RALGPS2: variants seen among roughly 807,000 people sequenced by gnomAD.
The protein encoded by RALGPS2 is Ral GEF with PH domain and SH3 binding motif 2, also known as ras-specific guanine nucleotide-releasing factor RalGPS2.
In RALGPS2, 43 loss-of-function variants were observed where a neutral mutation model predicts 86.8. The observed-to-expected ratio is 0.50, with a 90% CI of 0.39 to 0.64. The LOEUF is 0.64. Ranked by LOEUF, RALGPS2 falls within the 30% of genes least tolerant of loss-of-function variation. The pLI, the probability that RALGPS2 is intolerant of heterozygous loss-of-function variation, is 0.00. For missense variants in RALGPS2, 536 were observed against 694.6 expected, an observed-to-expected ratio of 0.77 and a Z score of 2.57; for synonymous variants, 243 against 231.3, an observed-to-expected ratio of 1.05 and a Z score of -0.46.
chr1:178,812,928 C>CTTTTTTTTTTT (rs397844555), intron 6 of RALGPS2, among the ~76,000 whole-genome samples: 1 of 106,850 alleles, frequency 9.4e-6, no homozygotes, highest in African/African-American at 3.7e-5. Context: ...TAGGTAAATA[C>CTTTTTTTTTTT]TTTTTTTTTT....
intron 14 of RALGPS2, among the ~76,000 whole-genome samples, chr1:178,890,421 A>G (rs1659670892): frequency 6.6e-6 from 1 of 151,946 alleles, no homozygotes; most frequent in Non-Finnish European, 1.5e-5. Context: ...CTTTTGACCA[A>G]AACAATTGCT....
intron 17 of RALGPS2, among the ~76,000 whole-genome samples, chr1:178,900,543 A>G (rs1207403128): frequency 6.6e-6 from 1 of 151,978 alleles, no homozygotes; most frequent in Non-Finnish European, 1.5e-5. Flanking sequence ...CTCATCTGAG[A>G]ATCTGTCCTA....
intron 1 of RALGPS2, among the ~76,000 whole-genome samples, chr1:178,745,926 A>G (rs539645849): frequency 5.4e-4 from 80 of 148,608 alleles, no homozygotes; most frequent in Non-Finnish European, 7.7e-4. Flanking sequence ...GGTTCAAGCA[A>G]TTCTCCTGCC....
chr1:178,874,455 C>T (rs982739240), intron 8 of RALGPS2, among the ~76,000 whole-genome samples: 1 of 152,008 alleles, frequency 6.6e-6, no homozygotes, highest in Non-Finnish European at 1.5e-5. Context: ...TGACTACAGG[C>T]GAGTTGTCAT....
rs755337121 is a variant in RALGPS2 at position 178,852,710 on chromosome 1, G to C, written c.607+19160G>C. 3.1e-5 allele frequency: 50 copies of C among 1,613,602 alleles called. No individual in the cohort carries two copies. Among genetic ancestry groups the C allele is most frequent in the Non-Finnish European group, 4.2e-5 (50 of 1,179,768 alleles). ...GCATACATATCTTTATCTCTGTCCA[G>C]TGTGGTGAATTGTTTACCATTATGC... On this transcript the variant is annotated intron_variant, in intron 8 of 19. Coordinates refer to ENST00000367635, the MANE Select transcript of RALGPS2 (RefSeq NM_152663.5).
intron 6 of RALGPS2, among the ~76,000 whole-genome samples, chr1:178,814,658 C>T (rs1341143950): frequency 6.6e-6 from 1 of 152,166 alleles, no homozygotes; most frequent in African/African-American, 2.4e-5. Flanking sequence ...TTATGTTGCC[C>T]AGGCTGGTCT....
intron 8 of RALGPS2, among the ~76,000 whole-genome samples, chr1:178,852,414 G>A (rs932157817): frequency 6.6e-6 from 1 of 152,112 alleles, no homozygotes; most frequent in Non-Finnish European, 1.5e-5. Context: ...TGAATTGTAG[G>A]CACTTGCATT....
chr1:178,890,605 A>G (rs979476268), intron 14 of RALGPS2, among the ~76,000 whole-genome samples: 4 of 151,944 alleles, frequency 2.6e-5, no homozygotes, highest in African/African-American at 9.7e-5. Flanking sequence ...ATTAAATTTT[A>G]TTTGAAATCA....
chr1:178,822,723 C>T (rs1655562800), intron 7 of RALGPS2, among the ~76,000 whole-genome samples: 1 of 151,760 alleles, frequency 6.6e-6, no homozygotes, highest in African/African-American at 2.4e-5. Flanking sequence ...ATAATTATGG[C>T]CTTATTGTCT....
chr1:178,850,053 A>G (rs2102287583), intron 8 of RALGPS2: 1 of 152,792 alleles, frequency 6.5e-6, no homozygotes, highest in East Asian at 1.9e-4. Context: ...TAAGCGTTAC[A>G]TACACTGTAA....
At position 178,824,292 on chromosome 1, in the gene RALGPS2, G is replaced by A. The variant is rs1334893616; in HGVS notation, c.480+2588G>A. Reference sequence around the variant, plus strand: ...TTTTACTGTAAAGGGCTGCAGTGTGGTTTGCAGAGAAATATGGTACCTGGA... The same window carrying A: ...TTTTACTGTAAAGGGCTGCAGTGTGATTTGCAGAGAAATATGGTACCTGGA... On this transcript the variant is annotated intron_variant, in intron 7 of 19. Transcript: ENST00000367635. Among the ~76,000 whole-genome samples the A allele has an allele frequency of 2.0e-5, 3 of 152,134 alleles. No homozygotes were observed. In the South Asian group the frequency reaches 6.2e-4, roughly 32 times the overall value.
At chr1:178,824,905 G>A (rs1017014318) in intron 7 of RALGPS2, among the ~76,000 whole-genome samples, 26 of 152,158 alleles carry the variant, frequency 1.7e-4, no homozygotes, top group Admixed American at 1.2e-3. Flanking sequence ...GGTAGATTTC[G>A]TGGTGGGATT....
intron 1 of RALGPS2, among the ~76,000 whole-genome samples, chr1:178,773,841 C>T (rs1462736493): frequency 6.6e-6 from 1 of 151,704 alleles, no homozygotes; most frequent in Admixed American, 6.6e-5. Flanking sequence ...TAAATAGTTA[C>T]GAAAAGTTTA....
At chr1:178,874,674 C>T (rs1406367145) in intron 8 of RALGPS2, among the ~76,000 whole-genome samples, 4 of 152,188 alleles carry the variant, frequency 2.6e-5, no homozygotes, top group Admixed American at 6.5e-5. Context: ...CCAACATCCC[C>T]GTGCCATTTC....
intron 1 of RALGPS2, among the ~76,000 whole-genome samples, chr1:178,739,927 A>G (rs1454717371): frequency 6.6e-6 from 1 of 152,200 alleles, no homozygotes; most frequent in East Asian, 1.9e-4. Context: ...AATATGGCCT[A>G]ACAGATATAG....
intron 4 of RALGPS2, among the ~76,000 whole-genome samples, 168 bp from the exon 5 acceptor site, chr1:178,807,876 CA>C (rs1215754794): frequency 6.6e-6 from 1 of 152,158 alleles, no homozygotes; most frequent in African/African-American, 2.4e-5. Context: ...TCCTGCTAAT[CA>C]AATTTGCTTT....
chr1:178,798,184 C>T (rs764173148), intron 4 of RALGPS2, among the ~76,000 whole-genome samples: 6 of 152,064 alleles, frequency 3.9e-5, no homozygotes, highest in South Asian at 2.1e-4. Context: ...CTGCCATATG[C>T]GGTCAAGAGA....
At chr1:178,828,387 A>G (rs1655853546) in intron 7 of RALGPS2, among the ~76,000 whole-genome samples, 1 of 152,172 alleles carries the variant, frequency 6.6e-6, no homozygotes, top group African/African-American at 2.4e-5. Context: ...CTACAAACCT[A>G]TACACCATGT....
rs538965404 is a variant in RALGPS2, at chr1:178,886,129, T to C, written c.1192+9T>C. The C allele has an allele frequency of 1.9e-6, 3 of 1,604,262 alleles. No individual in the cohort carries two copies. The East Asian group carries it at 6.7e-5, about 36-fold the overall frequency. On this transcript the variant is annotated intron_variant, in intron 13 of 19. Transcript: ENST00000367635. ...TAGTGGAATATCAATAGGTGAGAAA[T>C]ACTTCTCTGAGAGGGTTGCAATTTA...
Sources: allele counts gnomAD v4.1 joint callset (sites outside exome capture counted in the v4.1 genomes callset), GRCh38; gene constraint gnomAD v4.1.1; transcripts MANE v1.5; gene names NCBI Gene and HGNC (gene_info 2026-07-23, HGNC 2026-07-21).